Variants in ACOD1 observed in about 807,000 individuals in gnomAD.
ACOD1 encodes the protein aconitate decarboxylase 1, also known as cis-aconitate decarboxylase.
In ACOD1, 14 loss-of-function variants were observed where a neutral mutation model predicts 14.2. The observed-to-expected ratio is 0.99, with a 90% CI of 0.65 to 1.54. ACOD1 has a LOEUF of 1.54. ACOD1 is among the 40% of genes most tolerant of loss of function. The pLI, the probability that ACOD1 is intolerant of heterozygous loss-of-function variation, is 0.00. For synonymous variants in ACOD1, 182 were observed against 221.7 expected (o/e 0.82, Z 1.59); for missense variants, 530 against 586.3 (o/e 0.90, Z 0.99).
intron 4 of ACOD1, among the ~76,000 whole-genome samples, chr13:76,956,722 A>G (rs2033879749): frequency 6.6e-6 from 1 of 151,898 alleles, no homozygotes; most frequent in Non-Finnish European, 1.5e-5. Flanking sequence ...CATGTTGGCC[A>G]ACCTAGTCTC....
chr13:76,955,351 C>A lies in ACOD1; in HGVS notation c.297C>A (p.His99Gln). The change falls in exon 4 of 5, where the codon CAC becomes CAA. Residue 99 changes from histidine to glutamine, a missense_variant. Physicochemically the swap from His to Gln is conservative, Grantham distance 24 (BLOSUM62 0). Transcript: ENST00000377462. The part of the protein sequence containing the change: ...IHSMDFDDTW[H>Q]PATHPSGAVL... The stretch of plus-strand genomic sequence containing the variant: ...CCATGGATTTTGATGACACGTGGCA[C>A]CCTGCCACCCACCCTTCTGGGGCTG... 1 of 1,550,524 alleles carries A rather than the reference C, an allele frequency of 6.4e-7. No homozygotes were observed. Among genetic ancestry groups the A allele is most frequent in the Non-Finnish European group, 8.7e-7 (1 of 1,146,974 alleles).
chr13:76,953,463 T>C (rs975111757), intron 2 of ACOD1, 137 bp from the exon 3 acceptor site: 11 of 570,574 alleles, frequency 1.9e-5, no homozygotes, highest in Non-Finnish European at 3.2e-5. Flanking sequence ...AGGTATTCAA[T>C]GACTAGGGCT....
chr13:76,951,824 C>G (rs1012568055), intron 1 of ACOD1, among the ~76,000 whole-genome samples: 4 of 152,196 alleles, frequency 2.6e-5, no homozygotes, highest in Admixed American at 2.6e-4. Context: ...TTTTGGTGGT[C>G]TGGAGTGGGG....
At chr13:76,951,775 G>A (rs1420813271) in intron 1 of ACOD1, among the ~76,000 whole-genome samples, 1 of 152,126 alleles carries the variant, frequency 6.6e-6, no homozygotes. Context: ...AGAATCCTGT[G>A]CTATGCTTCC....
chr13:76,952,632 AG>A lies in ACOD1; in HGVS notation c.157del (p.Ala53ProfsTer32), dbSNP rs1208698090. ...GAACCACTACGGAAGTGTTTCACAT[AG>A]CCAGCCAATATAGCAAGGTAAGAAG... ...LGTTTEVFHIASQYSKIYSSN... is the reference protein window; with the variant it reads ...LGTTTEVFHIXSQYSKIYSSN... On this transcript the variant is annotated frameshift_variant, in exon 2 of 5. Transcript: ENST00000377462. LOFTEE classifies it high-confidence loss of function. The A allele has an allele frequency of 3.9e-6, 6 of 1,550,324 alleles. No homozygotes were observed. The highest frequency in any genetic ancestry group is 5.2e-6 in the Non-Finnish European group (6 of 1,146,898).
In ACOD1 at chr13:76,955,563, C is replaced by T. The variant is rs183742716; in HGVS notation, c.470+39C>T. ...TTGCCCCATCAAAAGGTAGTCACAT[C>T]CCCTTCATCTATCAATCATTATCTC... On this transcript the variant is annotated intron_variant, in intron 4 of 4. Transcript: ENST00000377462. 991 of 1,501,732 alleles carry T rather than the reference C, an allele frequency of 6.6e-4. 5 individuals carry two copies. The highest frequency in any genetic ancestry group is 1.7e-3 in the Middle Eastern group (10 of 5,864). The allele number at this position is 1,501,732 out of a possible 1,614,324, so 93.0% of individuals were successfully genotyped here.
chr13:76,955,342 C>A lies in ACOD1; in HGVS notation c.288C>A (p.Asp96Glu). ...GVAIHSMDFD[D>E]TWHPATHPSG... ...AGATTCACTCCATGGATTTTGATGA[C>A]ACGTGGCACCCTGCCACCCACCCTT... is the stretch of plus-strand genomic sequence containing the variant. Residue 96 changes from aspartate (D) to glutamate (E), a missense_variant, in exon 4 of 5, where the codon GAC becomes GAA. Asp to Glu is a conservative substitution (Grantham distance 45). Coordinates refer to ENST00000377462, the MANE Select transcript of ACOD1 (RefSeq NM_001258406.2). 1.3e-6 allele frequency: 2 copies of A among 1,550,428 alleles called. No individual in the cohort carries two copies. The highest frequency in any genetic ancestry group is 1.7e-6 in the Non-Finnish European group (2 of 1,146,948).
intron 4 of ACOD1, among the ~76,000 whole-genome samples, 180 bp downstream of exon 4, chr13:76,955,704 C>A (rs1413556157): frequency 6.6e-6 from 1 of 152,226 alleles, no homozygotes; most frequent in African/African-American, 2.4e-5. Context: ...AAAGAAGTGA[C>A]TTCAAGAGTG....
At position 76,957,278 on chromosome 13, in the gene ACOD1, G is replaced by A. The variant is rs2033887326; in HGVS notation, c.739G>A (p.Ala247Thr). ...GGAGGCAGGATTTGGGGCCTTTTAT[G>A]CCAACTATTCCCCAAAAGTCCTTCC... The part of the protein sequence containing the change: ...DLEAGFGAFY[A>T]NYSPKVLPSI... The change falls in exon 5 of 5, where the codon GCC becomes ACC. Residue 247 changes from alanine (A) to threonine (T), a missense_variant. Transcript: ENST00000377462. The A allele has an allele frequency of 4.5e-6, 7 of 1,550,614 alleles. No individual in the cohort carries two copies. The highest frequency in any genetic ancestry group is 1.2e-5 in the South Asian group (1 of 84,058).
chr13:76,955,154 A>G (rs926150346), intron 3 of ACOD1, among the ~76,000 whole-genome samples, 165 bp from the exon 4 acceptor site: 9 of 137,888 alleles, frequency 6.5e-5, no homozygotes, highest in African/African-American at 2.4e-4. Flanking sequence ...AAAAAAAAAG[A>G]AAAAAAATCA....
Position 76,957,365 on chromosome 13 carries a change from G to C in ACOD1, c.826G>C (p.Ala276Pro). ...QQDVAFKRFP[A>P]HLSTHWVADA... is the part of the protein sequence containing the mutation. The stretch of plus-strand genomic sequence containing the variant: ...GGACGTGGCCTTTAAGCGTTTTCCT[G>C]CACATTTATCTACCCACTGGGTGGC... The change falls in exon 5 of 5, where the codon GCA (alanine) becomes CCA (proline). Residue 276 changes from alanine (A) to proline (P), a missense_variant. By Grantham distance (27) the Ala-to-Pro change is conservative. Coordinates refer to ENST00000377462, the MANE Select transcript of ACOD1 (RefSeq NM_001258406.2). 1.3e-6 allele frequency: 2 copies of C among 1,550,646 alleles called. No homozygotes were observed. The highest frequency in any genetic ancestry group is 1.7e-6 in the Non-Finnish European group (2 of 1,147,010).
Position 76,953,601 on chromosome 13 carries a change from T to A in ACOD1, c.176T>A (p.Ile59Asn), listed in dbSNP as rs1157041726. 4 of 1,536,574 alleles carry A rather than the reference T, an allele frequency of 2.6e-6. No individual in the cohort carries two copies. The highest frequency in any genetic ancestry group is 1.4e-5 in the African/African-American group (1 of 72,794). Residue 59 changes from isoleucine to asparagine, a missense_variant and splice_region_variant, in exon 3 of 5, where the codon ATC (isoleucine) becomes AAC (asparagine). Physicochemically the swap from Ile to Asn is moderately radical, Grantham distance 149 (BLOSUM62 -3). Transcript: ENST00000377462. The part of the protein sequence containing the change: ...VFHIASQYSK[I>N]YSSNISSTVW... ...CTGGTTGATTTGCTTTTGTTCCAGA[T>A]CTACAGTTCCAACATATCCAGCACT...
rs1311168128 is a variant in ACOD1, at chr13:76,957,912, T to C, written c.1373T>C (p.Leu458Pro). 2 of 1,550,388 alleles carry C rather than the reference T, an allele frequency of 1.3e-6. No homozygotes were observed. Among genetic ancestry groups the C allele is most frequent in the East Asian group, 2.4e-5 (1 of 40,922 alleles). Residue 458 changes from leucine (L) to proline (P), a missense_variant, in exon 5 of 5, where the codon CTC (leucine) becomes CCC (proline). Coordinates refer to ENST00000377462, the MANE Select transcript of ACOD1 (RefSeq NM_001258406.2). ...LEDCSVLTTL[L>P]KGPSPPEVAS... ...GACTGTTCTGTGTTAACTACACTTC[T>C]CAAAGGACCCTCTCCACCAGAGGTA...
chr13:76,950,929 A>T (rs686323), intron 1 of ACOD1, among the ~76,000 whole-genome samples: 20 of 151,898 alleles, frequency 1.3e-4, no homozygotes, highest in African/African-American at 4.8e-4. Flanking sequence ...CACAGCTGAA[A>T]GGAGCCAAAC....
chr13:76,950,744 AAC>A (rs2137744168), intron 1 of ACOD1, among the ~76,000 whole-genome samples: 1 of 152,306 alleles, frequency 6.6e-6, no homozygotes, highest in Admixed American at 6.5e-5. Context: ...TTCTCTACAC[AAC>A]TGCCTACAGG....
intron 3 of ACOD1, 78 bp downstream of exon 3, chr13:76,953,767 C>A: frequency 1.1e-6 from 1 of 914,704 alleles, no homozygotes; most frequent in South Asian, 1.5e-5. Context: ...CAGAAATTGC[C>A]CAAATTCTAT....
At chr13:76,951,880 T>G (rs1401338231) in intron 1 of ACOD1, among the ~76,000 whole-genome samples, 1 of 152,248 alleles carries the variant, frequency 6.6e-6, no homozygotes, top group Admixed American at 6.5e-5. Flanking sequence ...AGTTCTGAGG[T>G]ACATGTTCGT....
rs963390038 is a variant in ACOD1 at position 76,958,580 on chromosome 13, G to A, written c.*595G>A. 6.6e-6 allele frequency: 1 copy of A among 152,276 alleles called. No individual in the cohort carries two copies. The highest frequency in any genetic ancestry group is 6.5e-5 in the Admixed American group (1 of 15,280). 9.4% of individuals were successfully genotyped at this position (152,276 alleles called of 1,614,324 possible). ...TCGCATTTTGGCTCTAGAACCCATGGTCTTAAGCACTGCAATATATCACCT... is the reference window on the plus strand; with the variant it reads ...TCGCATTTTGGCTCTAGAACCCATGATCTTAAGCACTGCAATATATCACCT... On this transcript the variant is annotated 3_prime_UTR_variant, in exon 5 of 5. Transcript: ENST00000377462.
At position 76,955,543 on chromosome 13, in the gene ACOD1, C is replaced by T; in HGVS notation, c.470+19C>T. The T allele has an allele frequency of 6.5e-7, 1 of 1,545,544 alleles. No homozygotes were observed. Among genetic ancestry groups the T allele is most frequent in the Non-Finnish European group, 8.7e-7 (1 of 1,143,056 alleles). ...CAAAGAGGTATGGAGAGAATTTGCCCCATCAAAAGGTAGTCACATCCCCTT... is the reference window on the plus strand; with the variant it reads ...CAAAGAGGTATGGAGAGAATTTGCCTCATCAAAAGGTAGTCACATCCCCTT... On this transcript the variant is annotated intron_variant, in intron 4 of 4. Coordinates refer to ENST00000377462, the MANE Select transcript of ACOD1 (RefSeq NM_001258406.2).
Sources: gnomAD v4.1 joint callset for allele counts (sites outside exome capture counted in the v4.1 genomes callset) on GRCh38, gnomAD v4.1.1 for gene constraint, MANE v1.5 for transcripts, NCBI Gene and HGNC (gene_info 2026-07-23, HGNC 2026-07-21) for gene names.